ABHD18: variants seen among roughly 807,000 people sequenced by gnomAD.
ABHD18 encodes cardiolipin-specific deacylase, mitochondrial.
Under a neutral mutation model 65.9 loss-of-function variants are expected in ABHD18, and 55 were observed. The ratio of observed to expected loss-of-function variants is 0.84; its 90% CI spans 0.67 to 1.05. The LOEUF (loss-of-function observed/expected upper bound fraction) is 1.05. Among genes scored for constraint, ABHD18 ranks in the 50% least tolerant of loss-of-function variants. ABHD18 has a pLI of 0.00. For missense variants in ABHD18, 533 were observed against 558.5 expected (o/e 0.95, Z 0.46); for synonymous variants, 181 against 180.2 (o/e 1.00, Z -0.04).
chr4:128,014,321 A>G lies in ABHD18; in HGVS notation c.470+2621A>G, dbSNP rs187733873. ...TTTGGAACCAAGCCCAGAATTCAGAATTAGGTATGTAATTTTTACCTTATC... is the reference window on the plus strand; with the variant it reads ...TTTGGAACCAAGCCCAGAATTCAGAGTTAGGTATGTAATTTTTACCTTATC... On this transcript the variant is annotated intron_variant, in intron 7 of 12. Transcript: ENST00000645843. Among the ~76,000 whole-genome samples the G allele has an allele frequency of 3.6e-4, 55 of 152,244 alleles. No individual in the cohort carries two copies. In the East Asian group the frequency reaches 7.9e-3, roughly 22 times the overall value.
intron 12 of ABHD18, among the ~76,000 whole-genome samples, chr4:128,034,022 G>A (rs370265612): frequency 5.5e-5 from 8 of 144,348 alleles, no homozygotes; most frequent in African/African-American, 2.6e-5. Context: ...GCAGTGGCGC[G>A]ATCTTGGCTC....
intron 11 of ABHD18, among the ~76,000 whole-genome samples, chr4:128,030,302 T>G (rs918400889): frequency 1.3e-5 from 2 of 152,172 alleles, no homozygotes; most frequent in Non-Finnish European, 2.9e-5. Context: ...ACAAAAGAAA[T>G]AAATTAGTTA....
At chr4:128,014,937 G>A (rs1003877623) in intron 7 of ABHD18, among the ~76,000 whole-genome samples, 1 of 152,118 alleles carries the variant, frequency 6.6e-6, no homozygotes, top group African/African-American at 2.4e-5. Context: ...AATTAGCTGG[G>A]CATGGTGGTG....
In ABHD18 at chr4:128,032,159, A is replaced by T. The variant is rs543473666; in HGVS notation, c.1343+1487A>T. ...ATTATGAAGGCTTCATTTGAGAGAG[A>T]TAAATGTTAACTATTATCATGTGCC... On this transcript the variant is annotated intron_variant, in intron 12 of 12. Transcript: ENST00000645843. Among the ~76,000 whole-genome samples, 7 of 152,330 alleles carry T rather than the reference A, an allele frequency of 4.6e-5. No homozygotes were observed. In the South Asian group the frequency reaches 1.2e-3, roughly 27 times the overall value.
At position 128,039,051 on chromosome 4, in the gene ABHD18, A is replaced by G. The variant is rs1289998131; in HGVS notation, c.*3238A>G. On this transcript the variant is annotated 3_prime_UTR_variant, in exon 13 of 13. Coordinates refer to ENST00000645843, the MANE Select transcript of ABHD18 (RefSeq NM_001358451.3). ...AATACATAAATATACACATATACGTATATGTATACGTTTTATATATATATA... is the reference window on the plus strand; with the variant it reads ...AATACATAAATATACACATATACGTGTATGTATACGTTTTATATATATATA... 1 of 149,190 alleles carries G rather than the reference A, an allele frequency of 6.7e-6. No individual in the cohort carries two copies. Among genetic ancestry groups the G allele is most frequent in the African/African-American group, 2.4e-5 (1 of 40,970 alleles). The allele number at this position is 149,190 out of a possible 1,614,324, so 9.2% of individuals were successfully genotyped here. A position where few individuals can be genotyped will look rare whatever the true frequency, so the allele number is the denominator to read the frequency against.
intron 4 of ABHD18, among the ~76,000 whole-genome samples, chr4:128,002,446 A>AT (rs1246509251): frequency 2.0e-5 from 3 of 151,384 alleles, no homozygotes. Flanking sequence ...CATCTGGCTA[A>AT]TTTTTGTATT....
At chr4:127,971,900 A>C (rs1746893373) in intron 1 of ABHD18, among the ~76,000 whole-genome samples, 1 of 152,078 alleles carries the variant, frequency 6.6e-6, no homozygotes, top group Non-Finnish European at 1.5e-5. Flanking sequence ...TTCTGACACT[A>C]ACCACCTAGA....
intron 1 of ABHD18, among the ~76,000 whole-genome samples, chr4:127,978,413 C>T (rs1748378776): frequency 6.6e-6 from 1 of 152,108 alleles, no homozygotes; most frequent in Non-Finnish European, 1.5e-5. Flanking sequence ...AATACTTTTA[C>T]AGCGTATTGA....
intron 1 of ABHD18, among the ~76,000 whole-genome samples, chr4:127,970,920 C>T (rs1469057194): frequency 2.0e-5 from 3 of 151,672 alleles, no homozygotes; most frequent in Non-Finnish European, 2.9e-5. Flanking sequence ...ACTAAAAATA[C>T]AAAAATTAGT....
At chr4:127,986,563 C>T (rs781082509) in intron 3 of ABHD18, among the ~76,000 whole-genome samples, 7 of 152,096 alleles carry the variant, frequency 4.6e-5, no homozygotes, top group Admixed American at 1.3e-4. Flanking sequence ...GTTTTTAGTT[C>T]TCTTGTGTAT....
chr4:127,994,411 CA>C (rs1751408753), intron 4 of ABHD18, among the ~76,000 whole-genome samples: 1 of 152,096 alleles, frequency 6.6e-6, no homozygotes, highest in Non-Finnish European at 1.5e-5. Flanking sequence ...GTCTGGCCAA[CA>C]TAGTGAAATC....
Position 127,984,443 on chromosome 4 carries a change from A to T in ABHD18, c.177+20A>T, listed in dbSNP as rs1749610912. ...GATAAGGTATTCAAATGAGAGAAAC[A>T]CAGTTATAGGAATTGTGGTTTGACA... On this transcript the variant is annotated intron_variant, in intron 3 of 12. Coordinates refer to ENST00000645843, the MANE Select transcript of ABHD18 (RefSeq NM_001358451.3). 7.1e-7 allele frequency: 1 copy of T among 1,402,834 alleles called. No individual in the cohort carries two copies. Among genetic ancestry groups the T allele is most frequent in the African/African-American group, 1.4e-5 (1 of 70,316 alleles). The allele number at this position is 1,402,834 out of a possible 1,614,324, so 86.9% of individuals were successfully genotyped here.
chr4:127,966,752 G>T (rs1745596778), intron 1 of ABHD18, among the ~76,000 whole-genome samples: 1 of 143,178 alleles, frequency 7.0e-6, no homozygotes, highest in African/African-American at 2.6e-5. Context: ...GGGCGTGGTG[G>T]CGGGCGCCTA....
intron 4 of ABHD18, among the ~76,000 whole-genome samples, chr4:128,006,235 CACT>C (rs1355693312): frequency 6.6e-6 from 1 of 152,286 alleles, no homozygotes; most frequent in East Asian, 1.9e-4. Flanking sequence ...ATAATGAAGT[CACT>C]ACATGCATTG....
Position 128,020,063 on chromosome 4 carries a change from T to C in ABHD18, c.610-17T>C. 1 of 1,537,576 alleles carries C rather than the reference T, an allele frequency of 6.5e-7. No individual in the cohort carries two copies. Among genetic ancestry groups the C allele is most frequent in the Non-Finnish European group, 9.0e-7 (1 of 1,114,758 alleles). On this transcript the variant is annotated splice_polypyrimidine_tract_variant and intron_variant, in intron 8 of 12. Coordinates refer to ENST00000645843, the MANE Select transcript of ABHD18 (RefSeq NM_001358451.3). ...ATAGAAACTCTAAATAGACGCTCTC[T>C]ATCTGTTATATTACAGATGGCTTCC...
At chr4:127,987,504 G>T (rs1017100881) in intron 3 of ABHD18, among the ~76,000 whole-genome samples, 2 of 152,042 alleles carry the variant, frequency 1.3e-5, no homozygotes, top group Non-Finnish European at 2.9e-5. Context: ...GAGGTCAGAA[G>T]TTCGAGACCA....
chr4:128,010,355 C>T (rs1579344244), intron 6 of ABHD18, among the ~76,000 whole-genome samples: 3 of 151,428 alleles, frequency 2.0e-5, no homozygotes, highest in Non-Finnish European at 4.4e-5. Context: ...CATGGTGAAA[C>T]CCTGTCTCTG....
chr4:127,979,547 TCTGTCTCAAAACAAAACAAAGAAA>T (rs1348913075), intron 1 of ABHD18, among the ~76,000 whole-genome samples: 2 of 152,010 alleles, frequency 1.3e-5, no homozygotes, highest in Non-Finnish European at 2.9e-5. Context: ...AATGCGAGAC[TCTGTCTCAAAACAAAACAAAGAAA>T]CACCAATGGA....
Position 128,028,820 on chromosome 4 carries a change from A to G in ABHD18, c.1147A>G (p.Met383Val), listed in dbSNP as rs535438593. Residue 383 changes from methionine (M) to valine (V), a missense_variant, in exon 11 of 13, where the codon ATG becomes GTG. Met to Val is a conservative substitution (Grantham distance 21). Coordinates refer to ENST00000645843, the MANE Select transcript of ABHD18 (RefSeq NM_001358451.3). ...KESLIFMKGV[M>V]DECTHVANFS... is the part of the protein sequence containing the mutation. ...GTCTTTAATATTTATGAAAGGAGTC[A>G]TGGATGAATGTACTCATGTAGCAAA... is the stretch of plus-strand genomic sequence containing the variant. 10 of 1,589,424 alleles carry G rather than the reference A, an allele frequency of 6.3e-6. No individual in the cohort carries two copies. The South Asian group carries it at 7.0e-5, about 11-fold the overall frequency.
Sources: allele counts gnomAD v4.1 joint callset (sites outside exome capture counted in the v4.1 genomes callset), GRCh38; gene constraint gnomAD v4.1.1; transcripts MANE v1.5; gene names NCBI Gene and HGNC (gene_info 2026-07-23, HGNC 2026-07-21).